The following PTPRD variants were observed in gnomAD, a reference collection of about 807,000 sequenced individuals.
The protein encoded by PTPRD is receptor-type tyrosine-protein phosphatase delta.
Under a neutral mutation model 214.5 loss-of-function variants are expected in PTPRD, and 34 were observed. The observed-to-expected ratio is 0.16, with a 90% CI of 0.12 to 0.21. PTPRD has a LOEUF of 0.21. Ranked by LOEUF, PTPRD falls within the 10% of genes least tolerant of loss-of-function variation. The pLI, the probability that PTPRD is intolerant of heterozygous loss-of-function variation, is 1.00. For synonymous variants in PTPRD, 1,128 were observed against 845.7 expected, an observed-to-expected ratio of 1.33 and a Z score of -5.79; for missense variants, 2,545 against 2,398.7, an observed-to-expected ratio of 1.06 and a Z score of -1.27.
chr9:8,822,828 C>A (rs2097098443), intron 11 of PTPRD, among the ~76,000 whole-genome samples: 1 of 152,018 alleles, frequency 6.6e-6, no homozygotes, highest in African/African-American at 2.4e-5. Flanking sequence ...TCCCCCAAAA[C>A]CACCAGTGCT....
intron 4 of PTPRD, among the ~76,000 whole-genome samples, chr9:9,964,717 G>GA (rs1189100432): frequency 1.3e-5 from 2 of 151,902 alleles, no homozygotes; most frequent in Non-Finnish European, 2.9e-5. Flanking sequence ...ATTTCTTTAG[G>GA]AAAAAAATAC....
intron 11 of PTPRD, among the ~76,000 whole-genome samples, chr9:8,839,300 T>TTTTATTTATTTGTTTATTTA (rs1389844462): frequency 2.7e-5 from 4 of 150,326 alleles, no homozygotes; most frequent in African/African-American, 9.8e-5. Flanking sequence ...ACCAAGGGGA[T>TTTTATTTATTTGTTTATTTA]TTTATTTATT....
chr9:9,621,845 T>C (rs890849982), intron 7 of PTPRD, among the ~76,000 whole-genome samples: 1 of 152,194 alleles, frequency 6.6e-6, no homozygotes, highest in Non-Finnish European at 1.5e-5. Flanking sequence ...TGTGGTGTTC[T>C]GGACAGGGCC....
chr9:9,886,553 G>T (rs1421876325), intron 5 of PTPRD, among the ~76,000 whole-genome samples: 2 of 152,074 alleles, frequency 1.3e-5, no homozygotes, highest in Non-Finnish European at 2.9e-5. Context: ...CAAAATGACT[G>T]TACCAATATC....
chr9:10,501,179 T>C (rs1479065144), intron 2 of PTPRD, among the ~76,000 whole-genome samples: 1 of 152,030 alleles, frequency 6.6e-6, no homozygotes, highest in Non-Finnish European at 1.5e-5. Context: ...GGTTCCCTTT[T>C]CTCTACATCC....
At position 9,581,067 on chromosome 9, in the gene PTPRD, C is replaced by G. The variant is rs545816578; in HGVS notation, c.-286-6286G>C. Among the ~76,000 whole-genome samples the G allele has an allele frequency of 7.0e-4, 107 of 151,948 alleles. 1 individual carries two copies. Among genetic ancestry groups the G allele is most frequent in the Admixed American group, 3.5e-3 (53 of 15,236 alleles). On this transcript the variant is annotated intron_variant, in intron 7 of 45. Coordinates refer to ENST00000381196, the MANE Select transcript of PTPRD (RefSeq NM_002839.4). ...CATTTTAGTCAATTTAGAAAGAAACCCAAAATTGTATCTTCATAAAGCAGA... is the reference window on the plus strand; with the variant it reads ...CATTTTAGTCAATTTAGAAAGAAACGCAAAATTGTATCTTCATAAAGCAGA...
intron 43 of PTPRD, among the ~76,000 whole-genome samples, chr9:8,333,629 T>C (rs970479085): frequency 2.0e-5 from 3 of 151,358 alleles, no homozygotes; most frequent in Admixed American, 6.6e-5. Flanking sequence ...ATCAACGCTA[T>C]GAAGAAGCTG....
intron 11 of PTPRD, among the ~76,000 whole-genome samples, chr9:8,854,443 T>G (rs1035284165): frequency 3.9e-5 from 6 of 152,196 alleles, no homozygotes; most frequent in African/African-American, 1.4e-4. Flanking sequence ...ATGCATAGAA[T>G]CCTTTTAAAA....
At chr9:9,599,536 T>G (rs2154336173) in intron 7 of PTPRD, among the ~76,000 whole-genome samples, 1 of 152,218 alleles carries the variant, frequency 6.6e-6, no homozygotes, top group East Asian at 1.9e-4. Flanking sequence ...CCTTGGCTGG[T>G]GTTACTCATT....
intron 3 of PTPRD, among the ~76,000 whole-genome samples, chr9:10,278,899 C>G (rs969853304): frequency 3.9e-5 from 6 of 152,002 alleles, no homozygotes; most frequent in African/African-American, 1.2e-4. Flanking sequence ...CTCAGCCTCC[C>G]GAGTAGCTGG....
intron 33 of PTPRD, among the ~76,000 whole-genome samples, chr9:8,450,311 G>C (rs978314574): frequency 2.0e-5 from 3 of 152,138 alleles, no homozygotes; most frequent in African/African-American, 7.2e-5. Flanking sequence ...ACTACAGAGA[G>C]TAGATGCCGT....
intron 3 of PTPRD, among the ~76,000 whole-genome samples, chr9:10,184,630 T>C (rs1403174890): frequency 3.3e-5 from 5 of 152,272 alleles, no homozygotes; most frequent in Non-Finnish European, 7.4e-5. Flanking sequence ...AGTGGAATTA[T>C]GCCCACCTCT....
chr9:10,196,787 T>C (rs1035124402), intron 3 of PTPRD, among the ~76,000 whole-genome samples: 18 of 152,104 alleles, frequency 1.2e-4, no homozygotes, highest in Admixed American at 6.6e-4. Flanking sequence ...GTCAGCATCC[T>C]AACCTGTAAA....
At chr9:10,326,202 C>T (rs956008729) in intron 3 of PTPRD, among the ~76,000 whole-genome samples, 3 of 151,634 alleles carry the variant, frequency 2.0e-5, no homozygotes, top group Non-Finnish European at 4.4e-5. Flanking sequence ...AGCAGCTAGA[C>T]TGGGCAATTT....
rs561745062 is a variant in PTPRD, at chr9:9,257,658, G to A, written c.-202-74295C>T. The stretch of plus-strand genomic sequence containing the variant: ...AATAAAAAATAAAAAACGTAATCAG[G>A]CATGATAATGTGTGCCTACAGTCCC... On this transcript the variant is annotated intron_variant, in intron 9 of 45. Coordinates refer to ENST00000381196, the MANE Select transcript of PTPRD (RefSeq NM_002839.4). 3.5e-4 allele frequency among the ~76,000 whole-genome samples: 53 copies of A among 151,886 alleles called. No individual in the cohort carries two copies. In the South Asian group the frequency reaches 0.011, roughly 32 times the overall value.
chr9:8,449,642 G>C (rs2095860117), intron 34 of PTPRD, 83 bp downstream of exon 34: 1 of 1,225,434 alleles, frequency 8.2e-7, no homozygotes, highest in African/African-American at 1.5e-5. Flanking sequence ...AAAATAAAGT[G>C]ATACCTTCAA....
intron 8 of PTPRD, among the ~76,000 whole-genome samples, chr9:9,492,079 G>A (rs2095930744): frequency 6.6e-6 from 1 of 151,686 alleles, no homozygotes; most frequent in African/African-American, 2.4e-5. Flanking sequence ...CAATTATACA[G>A]AAATAAAAAG....
chr9:9,563,103 A>C (rs2083398964), intron 8 of PTPRD, among the ~76,000 whole-genome samples: 1 of 152,202 alleles, frequency 6.6e-6, no homozygotes, highest in African/African-American at 2.4e-5. Context: ...CTTTATTATA[A>C]GAAATATATA....
chr9:10,572,716 C>T (rs2067860064), intron 2 of PTPRD, among the ~76,000 whole-genome samples: 1 of 152,060 alleles, frequency 6.6e-6, no homozygotes, highest in South Asian at 2.1e-4. Flanking sequence ...GTACTCAACT[C>T]TCCACTGAAT....
Sources: gnomAD v4.1 joint callset for allele counts (sites outside exome capture counted in the v4.1 genomes callset) on GRCh38, gnomAD v4.1.1 for gene constraint, MANE v1.5 for transcripts, NCBI Gene and HGNC (gene_info 2026-07-23, HGNC 2026-07-21) for gene names.